The following SLCO3A1 variants were observed in gnomAD, a reference collection of about 807,000 sequenced individuals.
SLCO3A1 encodes the protein solute carrier organic anion transporter family member 3A1.
SLCO3A1 carries 27 observed loss-of-function variants against 63.1 expected under a neutral mutation model. The observed-to-expected ratio is 0.43, with a 90% CI of 0.32 to 0.59. SLCO3A1 has a LOEUF of 0.59. Among genes scored for constraint, SLCO3A1 ranks in the 20% least tolerant of loss-of-function variants. The pLI is 0.09. For missense variants in SLCO3A1, 773 were observed against 945.8 expected (o/e 0.82, Z 2.40); for synonymous variants, 473 against 409.9 (o/e 1.15, Z -1.86).
Position 91,882,408 on chromosome 15 carries a change from A to G in SLCO3A1, c.180+28320A>G, listed in dbSNP as rs1233871650. ...GGTTGGACACTTGGTAGCCTTTGGT[A>G]AATATTTACTAAATGAATCAATGAA... is the stretch of plus-strand genomic sequence containing the variant. On this transcript the variant is annotated intron_variant, in intron 1 of 9. Transcript: ENST00000318445. This position sits in a 1 kb window ranked among gnomAD's most constrained non-coding sequence, Gnocchi z 4.4. Among the ~76,000 whole-genome samples, 1 of 152,186 alleles carries G rather than the reference A, an allele frequency of 6.6e-6. No homozygotes were observed. Among genetic ancestry groups the G allele is most frequent in the Non-Finnish European group, 1.5e-5 (1 of 68,034 alleles).
chr15:92,021,068 C>T lies in SLCO3A1; in HGVS notation c.647-73813C>T, dbSNP rs545459313. On this transcript the variant is annotated intron_variant, in intron 2 of 9. Coordinates refer to ENST00000318445, the MANE Select transcript of SLCO3A1 (RefSeq NM_013272.4). ...AGTGAGGAGTAAGTAATATGTCACACGGGTTTTCCCAGACATGTCTAAGTA... is the reference window on the plus strand; with the variant it reads ...AGTGAGGAGTAAGTAATATGTCACATGGGTTTTCCCAGACATGTCTAAGTA... 6.6e-5 allele frequency among the ~76,000 whole-genome samples: 10 copies of T among 152,322 alleles called. 1 individual carries two copies. Among genetic ancestry groups the T allele is most frequent in the South Asian group, 2.1e-4 (1 of 4,828 alleles).
At chr15:92,045,592 T>C (rs1399008533) in intron 2 of SLCO3A1, among the ~76,000 whole-genome samples, 2 of 152,146 alleles carry the variant, frequency 1.3e-5, no homozygotes, top group African/African-American at 4.8e-5. Flanking sequence ...AGATGTGCAA[T>C]TGATTTATTT....
At chr15:91,930,942 C>T (rs1479559165) in intron 2 of SLCO3A1, among the ~76,000 whole-genome samples, 1 of 152,180 alleles carries the variant, frequency 6.6e-6, no homozygotes, top group Non-Finnish European at 1.5e-5. Context: ...TGTTTTCCTG[C>T]TTCACAGCAA....
intron 2 of SLCO3A1, among the ~76,000 whole-genome samples, chr15:91,972,350 G>A (rs537860938): frequency 2.0e-5 from 3 of 152,210 alleles, no homozygotes; most frequent in African/African-American, 4.8e-5. Context: ...AACAGAACTC[G>A]AATAGGTCAT....
intron 2 of SLCO3A1, among the ~76,000 whole-genome samples, chr15:92,002,254 G>T (rs1336258863): frequency 6.6e-6 from 1 of 152,160 alleles, no homozygotes; most frequent in Non-Finnish European, 1.5e-5. Context: ...AATTGTCCCT[G>T]ATAAGCAGCC....
chr15:92,167,256 C>T (rs530515562), downstream of SLCO3A1, among the ~76,000 whole-genome samples: 2 of 152,334 alleles, frequency 1.3e-5, no homozygotes, highest in South Asian at 4.1e-4. Context: ...AGACACATGG[C>T]AGGGGCCTGC....
At chr15:91,879,044 T>G (rs1365322178) in intron 1 of SLCO3A1, among the ~76,000 whole-genome samples, 1 of 152,214 alleles carries the variant, frequency 6.6e-6, no homozygotes, top group East Asian at 1.9e-4. Flanking sequence ...AAAATCAGCC[T>G]GTGATCTGCA....
In SLCO3A1 at chr15:92,163,683, C is replaced by G; in HGVS notation, c.*548C>G. The G allele has an allele frequency of 2.0e-6, 2 of 985,408 alleles. No individual in the cohort carries two copies. Among genetic ancestry groups the G allele is most frequent in the South Asian group, 9.4e-5 (2 of 21,280 alleles). The allele number at this position is 985,408 out of a possible 1,614,324, so 61.0% of individuals were successfully genotyped here. The stretch of plus-strand genomic sequence containing the variant: ...AAGTCGGAGGGGTGGAAGCACCACT[C>G]CTCTCTCTGACTTTCGCAATATGGG... On this transcript the variant is annotated 3_prime_UTR_variant, in exon 10 of 10. Coordinates refer to ENST00000318445, the MANE Select transcript of SLCO3A1 (RefSeq NM_013272.4).
intron 2 of SLCO3A1, among the ~76,000 whole-genome samples, chr15:92,062,116 A>C (rs890908765): frequency 3.3e-5 from 5 of 152,224 alleles, no homozygotes; most frequent in Non-Finnish European, 7.3e-5. Context: ...GGGAAATCCA[A>C]CTGAGGAAGA....
At chr15:91,895,355 A>G (rs1897977360) in intron 1 of SLCO3A1, among the ~76,000 whole-genome samples, 1 of 152,186 alleles carries the variant, frequency 6.6e-6, no homozygotes, top group Non-Finnish European at 1.5e-5. Context: ...TCTTCATGAA[A>G]CAATGAACCA....
chr15:92,112,150 C>T (rs1004474892), intron 4 of SLCO3A1, among the ~76,000 whole-genome samples: 2 of 152,048 alleles, frequency 1.3e-5, no homozygotes, highest in African/African-American at 2.4e-5. Flanking sequence ...GCAGGATCCC[C>T]GTGGATGGAG....
At chr15:91,873,537 C>CACACAT (rs1897326081) in intron 1 of SLCO3A1, among the ~76,000 whole-genome samples, 3 of 148,960 alleles carry the variant, frequency 2.0e-5, no homozygotes, top group African/African-American at 7.5e-5. Context: ...TTCATACACA[C>CACACAT]ACACACACAC....
rs1256679124 is a variant in SLCO3A1 at position 92,163,296 on chromosome 15, C to T, written c.*161C>T. The T allele has an allele frequency of 2.3e-6, 3 of 1,295,556 alleles. No homozygotes were observed. The highest frequency in any genetic ancestry group is 6.1e-5 in the East Asian group (2 of 32,596). The allele number at this position is 1,295,556 out of a possible 1,614,324, so 80.3% of individuals were successfully genotyped here. ...ACACCGACTTTGTCCTTTTTCTCAG[C>T]ATCAGAGCCAGACAGGATTCAGAAT... On this transcript the variant is annotated 3_prime_UTR_variant, in exon 10 of 10. Coordinates refer to ENST00000318445, the MANE Select transcript of SLCO3A1 (RefSeq NM_013272.4).
intron 1 of SLCO3A1, among the ~76,000 whole-genome samples, chr15:91,867,320 A>G (rs1397421941): frequency 6.6e-6 from 1 of 152,174 alleles, no homozygotes; most frequent in African/African-American, 2.4e-5. Context: ...GGGCTGAAGG[A>G]TGCAGAATGC....
chr15:91,853,887 C>CGGG lies in SLCO3A1; in HGVS notation c.-20_-19insGGG, dbSNP rs1567156772. ...AGCGGGAAAGCGGCAGCGGCGGCGG[C>CGGG]GGCGGCGGCGGCGGGGGAAGGATGC... On this transcript the variant is annotated 5_prime_UTR_variant, in exon 1 of 10. Coordinates refer to ENST00000318445, the MANE Select transcript of SLCO3A1 (RefSeq NM_013272.4). 7.6e-7 allele frequency: 1 copy of CGGG among 1,322,392 alleles called. No homozygotes were observed. The highest frequency in any genetic ancestry group is 3.9e-5 in the East Asian group (1 of 25,956). The allele number at this position is 1,322,392 out of a possible 1,614,324, so 81.9% of individuals were successfully genotyped here.
intron 2 of SLCO3A1, among the ~76,000 whole-genome samples, chr15:91,940,739 A>G (rs1899591273): frequency 1.3e-5 from 2 of 152,166 alleles, no homozygotes. Context: ...GGCATCCTCC[A>G]CAACCCAGAG....
chr15:92,085,556 C>G (rs2047394733), intron 2 of SLCO3A1, among the ~76,000 whole-genome samples: 2 of 152,236 alleles, frequency 1.3e-5, no homozygotes, highest in African/African-American at 4.8e-5. Flanking sequence ...CATAGTCCAA[C>G]TGGCGTCACA....
intron 2 of SLCO3A1, among the ~76,000 whole-genome samples, chr15:91,940,811 G>T (rs370870014): frequency 6.6e-6 from 1 of 152,170 alleles, no homozygotes; most frequent in Non-Finnish European, 1.5e-5. Flanking sequence ...AGTGGTGAAT[G>T]AGCGAATATT....
intron 2 of SLCO3A1, among the ~76,000 whole-genome samples, chr15:92,017,844 G>T (rs116554693): frequency 1.3e-5 from 2 of 152,116 alleles, no homozygotes; most frequent in Admixed American, 1.3e-4. Flanking sequence ...CAGGGTGGAG[G>T]CTTGGAGACA....
Sources: gnomAD v4.1 joint callset for allele counts (sites outside exome capture counted in the v4.1 genomes callset) on GRCh38, gnomAD v4.1.1 for gene constraint, Gnocchi (gnomAD v3.1) non-coding constraint, MANE v1.5 for transcripts, NCBI Gene and HGNC (gene_info 2026-07-23, HGNC 2026-07-21) for gene names.